Variants in PDE3B observed in about 807,000 individuals in gnomAD.
PDE3B encodes the protein phosphodiesterase 3B.
Under a neutral mutation model 116.8 loss-of-function variants are expected in PDE3B, and 66 were observed. The observed-to-expected ratio is 0.56, with a 90% confidence interval of 0.46 to 0.69. The LOEUF (loss-of-function observed/expected upper bound fraction) is 0.69. Among genes scored for constraint, PDE3B ranks in the 30% least tolerant of loss-of-function variants. The pLI is 0.00. For missense variants in PDE3B, 1,384 were observed against 1,368.1 expected, an observed-to-expected ratio of 1.01 and a Z score of -0.18; for synonymous variants, 595 against 533.6, an observed-to-expected ratio of 1.12 and a Z score of -1.59.
At chr11:14,729,735 CAA>C (rs1462978629) in intron 1 of PDE3B, among the ~76,000 whole-genome samples, 1 of 151,970 alleles carries the variant, frequency 6.6e-6, no homozygotes, top group Non-Finnish European at 1.5e-5. Flanking sequence ...AGTATATAAA[CAA>C]ATTTTGAGTA....
chr11:14,718,575 C>A (rs1379544064), intron 1 of PDE3B, among the ~76,000 whole-genome samples: 1 of 149,696 alleles, frequency 6.7e-6, no homozygotes, highest in Admixed American at 6.6e-5. Context: ...AACTATCTCT[C>A]AGACCACAGT....
At chr11:14,705,445 T>A (rs1855501809) in intron 1 of PDE3B, among the ~76,000 whole-genome samples, 1 of 151,782 alleles carries the variant, frequency 6.6e-6, no homozygotes, top group African/African-American at 2.4e-5. Flanking sequence ...CAAAAACTAA[T>A]TTATGGTGTC....
chr11:14,880,465 G>A, the PDE3B span: 6 of 1,613,440 alleles, frequency 3.7e-6, no homozygotes, highest in Non-Finnish European at 4.2e-6. Context: ...GAAGACTGAG[G>A]CACTGGCAGC....
chr11:14,799,425 A>T (rs1486981998), intron 4 of PDE3B, among the ~76,000 whole-genome samples: 1 of 152,104 alleles, frequency 6.6e-6, no homozygotes, highest in Non-Finnish European at 1.5e-5. Context: ...TGGGGTGGAG[A>T]GTTCTGTAGA....
At chr11:14,664,514 C>A (rs1034844118) in intron 1 of PDE3B, among the ~76,000 whole-genome samples, 2 of 141,212 alleles carry the variant, frequency 1.4e-5, no homozygotes, top group Non-Finnish European at 3.2e-5. Context: ...ATTGATAGAC[C>A]GCTAACAAGA....
chr11:14,768,846 C>T (rs552418056), intron 1 of PDE3B, among the ~76,000 whole-genome samples: 12 of 151,466 alleles, frequency 7.9e-5, no homozygotes, highest in Non-Finnish European at 1.6e-4. Flanking sequence ...TTATTATGGA[C>T]CACACTTTGA....
At chr11:14,807,730 T>G (rs1472790311) in intron 5 of PDE3B, among the ~76,000 whole-genome samples, 2 of 152,058 alleles carry the variant, frequency 1.3e-5, no homozygotes, top group Non-Finnish European at 2.9e-5. Flanking sequence ...TCAACAAAAA[T>G]TGGACTTTAC....
At chr11:14,799,116 A>G (rs1412566417) in intron 4 of PDE3B, among the ~76,000 whole-genome samples, 2 of 152,154 alleles carry the variant, frequency 1.3e-5, no homozygotes, top group Non-Finnish European at 1.5e-5. Context: ...TGTCCCAGAG[A>G]TTCTGGTATG....
chr11:14,663,859 A>C (rs1457160921), intron 1 of PDE3B, among the ~76,000 whole-genome samples: 2 of 152,234 alleles, frequency 1.3e-5, no homozygotes, highest in East Asian at 3.8e-4. Flanking sequence ...TAGATCAACA[A>C]GACAGAAAGT....
chr11:14,811,568 G>A (rs1565148187), intron 5 of PDE3B, among the ~76,000 whole-genome samples: 1 of 152,212 alleles, frequency 6.6e-6, no homozygotes, highest in Non-Finnish European at 1.5e-5. Context: ...TTGAAGTCAG[G>A]TAGTGTGATG....
chr11:14,655,780 T>A (rs55732754), intron 1 of PDE3B, among the ~76,000 whole-genome samples: 1,605 of 152,298 alleles, frequency 0.011, 14 homozygotes, highest in Non-Finnish European at 0.018. Flanking sequence ...TGGTAAACCA[T>A]GTGATGGTAA....
chr11:14,740,934 G>A (rs1028654461), intron 1 of PDE3B, among the ~76,000 whole-genome samples: 7 of 152,152 alleles, frequency 4.6e-5, no homozygotes, highest in African/African-American at 1.7e-4. Flanking sequence ...TTAATCCTAA[G>A]TTCTAATTTG....
At chr11:14,845,426 G>A (rs1279782162) in intron 12 of PDE3B, among the ~76,000 whole-genome samples, 1 of 152,186 alleles carries the variant, frequency 6.6e-6, no homozygotes, top group Non-Finnish European at 1.5e-5. Context: ...CTAAAAAGCA[G>A]AACGCCTCTC....
At chr11:14,804,585 C>T (rs1038804670) in intron 5 of PDE3B, among the ~76,000 whole-genome samples, 2 of 151,908 alleles carry the variant, frequency 1.3e-5, no homozygotes, top group Non-Finnish European at 2.9e-5. Context: ...TGGCTGATAT[C>T]ACATAGGTAC....
chr11:14,671,489 C>T (rs1431868212), intron 1 of PDE3B, among the ~76,000 whole-genome samples: 1 of 152,020 alleles, frequency 6.6e-6, no homozygotes. Context: ...AGGCCTTATA[C>T]ACCTTGTTAA....
At chr11:14,731,261 T>C (rs1856449646) in intron 1 of PDE3B, among the ~76,000 whole-genome samples, 3 of 149,122 alleles carry the variant, frequency 2.0e-5, no homozygotes, top group African/African-American at 7.4e-5. Context: ...TTTGATTTTT[T>C]TTTTTTTTTT....
At chr11:14,663,247 C>T (rs1302056289) in intron 1 of PDE3B, among the ~76,000 whole-genome samples, 4 of 152,058 alleles carry the variant, frequency 2.6e-5, no homozygotes, top group South Asian at 4.1e-4. Context: ...ACTTTACAGA[C>T]AAGCAAATGC....
intron 1 of PDE3B, among the ~76,000 whole-genome samples, chr11:14,685,321 C>T (rs929379089): frequency 1.3e-5 from 2 of 152,030 alleles, no homozygotes; most frequent in Admixed American, 6.6e-5. Context: ...ATCTATTGCA[C>T]CACTCCCCCT....
rs1342162703 is a variant in PDE3B at position 14,867,860 on chromosome 11, A to G, written c.3139+102A>G. ...ATGCTCCAAAATCCAAAATTTTTTG[A>G]GTGCCAGCATGGTGCTCAAAGGAAA... On this transcript the variant is annotated intron_variant, in intron 15 of 15. Transcript: ENST00000282096. 5.3e-6 allele frequency: 5 copies of G among 944,796 alleles called. No individual in the cohort carries two copies. The African/African-American group carries it at 8.3e-5, about 16-fold the overall frequency. 58.5% of individuals were successfully genotyped at this position (944,796 alleles called of 1,614,324 possible). A position where few individuals can be genotyped will look rare whatever the true frequency, so the allele number is the denominator to read the frequency against.
Sources: allele counts gnomAD v4.1 joint callset (sites outside exome capture counted in the v4.1 genomes callset), GRCh38; gene constraint gnomAD v4.1.1; transcripts MANE v1.5; gene names NCBI Gene and HGNC (gene_info 2026-07-23, HGNC 2026-07-21).